Variants in SORCS2 observed in about 807,000 individuals in gnomAD.
SORCS2 encodes sortilin related VPS10 domain containing receptor 2, also known as VPS10 domain-containing receptor SorCS2.
SORCS2 carries 100 observed loss-of-function variants against 141.6 expected under a neutral mutation model. The observed-to-expected ratio is 0.71, with a 90% CI of 0.60 to 0.83. The LOEUF is 0.83. Ranked by LOEUF, SORCS2 falls within the 40% of genes least tolerant of loss-of-function variation. The pLI is 0.00. For missense variants in SORCS2, 1,646 were observed against 1,560.2 expected (o/e 1.05, Z -0.93); for synonymous variants, 789 against 676.9 (o/e 1.17, Z -2.57).
rs564608623 is a variant in SORCS2, at chr4:7,741,107, C to T, written c.*843C>T. 1.0e-4 allele frequency: 40 copies of T among 398,660 alleles called. No individual in the cohort carries two copies. Among genetic ancestry groups the T allele is most frequent in the East Asian group, 2.5e-4 (7 of 28,068 alleles). 24.7% of individuals were successfully genotyped at this position (398,660 alleles called of 1,614,324 possible). On this transcript the variant is annotated 3_prime_UTR_variant, in exon 27 of 27. Coordinates refer to ENST00000507866, the MANE Select transcript of SORCS2 (RefSeq NM_020777.3). ...TCCCACCTGATGGCTGTTCTCCCAC[C>T]GGGTCTGGGCTCTGGAAGGAGCCAG... is the stretch of plus-strand genomic sequence containing the variant.
intron 1 of SORCS2, among the ~76,000 whole-genome samples, chr4:7,377,363 G>A (rs886782483): frequency 3.9e-5 from 6 of 152,164 alleles, no homozygotes; most frequent in African/African-American, 1.2e-4. Context: ...TGACGGGGGG[G>A]ACAGATCGGA....
intron 3 of SORCS2, among the ~76,000 whole-genome samples, chr4:7,538,338 G>T (rs1410353514): frequency 2.6e-5 from 4 of 152,128 alleles, no homozygotes; most frequent in Non-Finnish European, 5.9e-5. Context: ...GTCATGGCTG[G>T]ACCCAAGGCC....
intron 4 of SORCS2, among the ~76,000 whole-genome samples, chr4:7,649,834 C>T (rs113145072): frequency 0.037 from 5,656 of 152,192 alleles, 114 homozygotes; most frequent in African/African-American, 0.053. Flanking sequence ...GTGTCTGCAA[C>T]AGCAGTGACA....
intron 1 of SORCS2, among the ~76,000 whole-genome samples, chr4:7,381,310 C>A (rs138971978): frequency 1.8e-4 from 27 of 152,300 alleles, no homozygotes; most frequent in Non-Finnish European, 3.2e-4. Flanking sequence ...CACAGGGCTG[C>A]CAGTGAGACA....
chr4:7,558,699 G>A (rs1714310722), intron 3 of SORCS2, among the ~76,000 whole-genome samples: 1 of 152,206 alleles, frequency 6.6e-6, no homozygotes, highest in African/African-American at 2.4e-5. Flanking sequence ...CCTGCATGGT[G>A]GGTCTGCAAG....
chr4:7,592,920 G>T (rs982801438), intron 3 of SORCS2, among the ~76,000 whole-genome samples: 3 of 152,236 alleles, frequency 2.0e-5, no homozygotes, highest in Non-Finnish European at 4.4e-5. Flanking sequence ...TCCACTTGAA[G>T]GTGCATGCTA....
chr4:7,736,938 G>A lies in SORCS2; in HGVS notation c.3312-131G>A, dbSNP rs919716321. Reference sequence around the variant, plus strand: ...GCAGGAGGCAAAACTTGGGGCTGGGGTAGGCACCTCTGGAGTGCTGTGGGC... The same window carrying A: ...GCAGGAGGCAAAACTTGGGGCTGGGATAGGCACCTCTGGAGTGCTGTGGGC... On this transcript the variant is annotated intron_variant, in intron 25 of 26. Transcript: ENST00000507866. 4.2e-6 allele frequency: 5 copies of A among 1,197,508 alleles called. No individual in the cohort carries two copies. In the Admixed American group the frequency reaches 7.7e-5, roughly 18 times the overall value. 74.2% of individuals were successfully genotyped at this position (1,197,508 alleles called of 1,614,324 possible).
chr4:7,608,928 A>G (rs1004084476), intron 3 of SORCS2, among the ~76,000 whole-genome samples: 1 of 152,144 alleles, frequency 6.6e-6, no homozygotes, highest in South Asian at 2.1e-4. Context: ...GGCCAGCATC[A>G]GGCACTAGCC....
At chr4:7,387,544 T>A (rs1414528663) in intron 1 of SORCS2, among the ~76,000 whole-genome samples, 4 of 142,180 alleles carry the variant, frequency 2.8e-5, no homozygotes, top group African/African-American at 7.8e-5. Context: ...TGCACACACA[T>A]GCACATACAC....
At chr4:7,416,632 TCA>T (rs761683755) in intron 2 of SORCS2, among the ~76,000 whole-genome samples, 2 of 151,576 alleles carry the variant, frequency 1.3e-5, no homozygotes, top group Non-Finnish European at 2.9e-5. Flanking sequence ...ATGGACACAT[TCA>T]CACACAAGCA....
intron 2 of SORCS2, among the ~76,000 whole-genome samples, chr4:7,476,385 C>T (rs1015229448): frequency 2.0e-5 from 3 of 152,122 alleles, no homozygotes; most frequent in African/African-American, 4.8e-5. Flanking sequence ...GCTGGCTGGG[C>T]AGAGTTTCTT....
intron 3 of SORCS2, among the ~76,000 whole-genome samples, chr4:7,533,488 G>T (rs1005310825): frequency 6.6e-6 from 1 of 152,200 alleles, no homozygotes; most frequent in Non-Finnish European, 1.5e-5. Context: ...CAGCCGATCT[G>T]GTCCTGGTGG....
At chr4:7,268,397 C>T (rs1232496209) in intron 1 of SORCS2, among the ~76,000 whole-genome samples, 5 of 152,146 alleles carry the variant, frequency 3.3e-5, no homozygotes, top group Admixed American at 6.5e-5. Flanking sequence ...AGCTTCCTGT[C>T]GGCCACTTAA....
intron 1 of SORCS2, among the ~76,000 whole-genome samples, chr4:7,323,812 C>T (rs185767158): frequency 1.3e-5 from 2 of 152,160 alleles, no homozygotes; most frequent in Admixed American, 6.5e-5. Context: ...ACCCCCATCT[C>T]CCAGGAATCC....
At chr4:7,582,236 G>A (rs945525604) in intron 3 of SORCS2, among the ~76,000 whole-genome samples, 3 of 152,162 alleles carry the variant, frequency 2.0e-5, no homozygotes, top group Non-Finnish European at 4.4e-5. Flanking sequence ...TAAGTTGCCC[G>A]AGGCCATACA....
rs1249574166 is a variant in SORCS2, at chr4:7,653,468, C to G, written c.814-666C>G. ...ATGTTGGTCAGGCTGGTCTCGAACT[C>G]CCAACCTCATGTGATCCGCCCGCCT... On this transcript the variant is annotated intron_variant, in intron 4 of 26. Transcript: ENST00000507866. Among the ~76,000 whole-genome samples, 5 of 152,214 alleles carry G rather than the reference C, an allele frequency of 3.3e-5. No homozygotes were observed. The East Asian group carries it at 9.7e-4, about 29-fold the overall frequency.
chr4:7,642,333 G>A (rs139281743), intron 4 of SORCS2, among the ~76,000 whole-genome samples: 3 of 152,340 alleles, frequency 2.0e-5, no homozygotes, highest in East Asian at 1.9e-4. Context: ...GCACAATCAC[G>A]GAGACTTATT....
chr4:7,351,298 G>T (rs1720925807), intron 1 of SORCS2, among the ~76,000 whole-genome samples: 1 of 152,154 alleles, frequency 6.6e-6, no homozygotes, highest in Non-Finnish European at 1.5e-5. Context: ...GTCACAGCGG[G>T]TGTTATAGCT....
At chr4:7,463,895 G>T (rs533902989) in intron 2 of SORCS2, among the ~76,000 whole-genome samples, 1 of 152,222 alleles carries the variant, frequency 6.6e-6, no homozygotes, top group Non-Finnish European at 1.5e-5. Flanking sequence ...GACTGGGGAG[G>T]TGCGGAGGCT....
Sources: gnomAD v4.1 joint callset for allele counts (sites outside exome capture counted in the v4.1 genomes callset) on GRCh38, gnomAD v4.1.1 for gene constraint, MANE v1.5 for transcripts, NCBI Gene and HGNC (gene_info 2026-07-23, HGNC 2026-07-21) for gene names.